Variants in COL26A1 observed in about 807,000 individuals in gnomAD.
COL26A1 encodes collagen alpha-1(XXVI) chain.
A neutral mutation model predicts 59.3 loss-of-function variants in COL26A1; 41 were observed. The observed-to-expected ratio is 0.69, with a 90% confidence interval of 0.54 to 0.90. COL26A1 has a LOEUF of 0.90. Among genes scored for constraint, COL26A1 ranks in the 40% least tolerant of loss-of-function variants. COL26A1 has a pLI of 0.00. For missense variants in COL26A1, 612 were observed against 602.3 expected (o/e 1.02, Z -0.17); for synonymous variants, 266 against 256.0 (o/e 1.04, Z -0.37).
At chr7:101,368,458 G>A (rs1287586767) in intron 1 of COL26A1, among the ~76,000 whole-genome samples, 1 of 152,204 alleles carries the variant, frequency 6.6e-6, no homozygotes, top group Non-Finnish European at 1.5e-5. Flanking sequence ...CTGCAGCAGA[G>A]GTCCTGCTCC....
rs544093844 is a variant in COL26A1 at position 101,537,439 on chromosome 7, G to A, written c.448-2454G>A. On this transcript the variant is annotated intron_variant, in intron 4 of 12. Coordinates refer to ENST00000313669, the MANE Select transcript of COL26A1 (RefSeq NM_001278563.3). ...TGACATCATCAGGGCCACTGCCCCC[G>A]AAGGCCGTGGCCTGGTTTTCTTGGC... Among the ~76,000 whole-genome samples the A allele has an allele frequency of 5.9e-5, 9 of 152,336 alleles. No homozygotes were observed. In the East Asian group the frequency reaches 9.7e-4, roughly 16 times the overall value.
intron 2 of COL26A1, among the ~76,000 whole-genome samples, chr7:101,436,904 C>T (rs568210509): frequency 6.6e-6 from 1 of 152,102 alleles, no homozygotes; most frequent in Non-Finnish European, 1.5e-5. Flanking sequence ...TCAGTTGTGA[C>T]GGTTTCACCA....
chr7:101,433,158 A>T (rs981282113), intron 2 of COL26A1, among the ~76,000 whole-genome samples: 1 of 152,086 alleles, frequency 6.6e-6, no homozygotes. Context: ...CCCCGTTTCC[A>T]CTAAAAACAG....
At chr7:101,419,848 C>T (rs1047677616) in intron 1 of COL26A1, 129 bp from the exon 2 acceptor site, 6 of 894,992 alleles carry the variant, frequency 6.7e-6, no homozygotes, top group Middle Eastern at 3.2e-4. Flanking sequence ...TCAGTGGGCC[C>T]CCCATCCAAG....
intron 3 of COL26A1, among the ~76,000 whole-genome samples, chr7:101,477,263 A>G (rs1053185019): frequency 6.6e-5 from 10 of 152,046 alleles, no homozygotes; most frequent in African/African-American, 2.2e-4. Context: ...ATTGTAAGGT[A>G]TTGTGTGTCT....
chr7:101,481,513 C>T (rs114554690), intron 3 of COL26A1, among the ~76,000 whole-genome samples: 3,467 of 150,852 alleles, frequency 0.023, 157 homozygotes, highest in African/African-American at 0.079. Context: ...GTGCATGGCA[C>T]GGTCATAGCT....
At chr7:101,406,225 T>C (rs1197343018) in intron 1 of COL26A1, among the ~76,000 whole-genome samples, 1 of 152,184 alleles carries the variant, frequency 6.6e-6, no homozygotes, top group East Asian at 1.9e-4. Flanking sequence ...TTCCCTGCGG[T>C]GCTTCGAAAT....
At chr7:101,376,114 A>G (rs977415664) in intron 1 of COL26A1, among the ~76,000 whole-genome samples, 3 of 148,634 alleles carry the variant, frequency 2.0e-5, no homozygotes, top group Non-Finnish European at 4.5e-5. Flanking sequence ...CAGCCTTGGC[A>G]ATATAGCAAG....
At chr7:101,428,926 C>CTTTTTTTTTT (rs530948608) in intron 2 of COL26A1, among the ~76,000 whole-genome samples, 1 of 142,770 alleles carries the variant, frequency 7.0e-6, no homozygotes, top group Non-Finnish European at 1.5e-5. Context: ...TTCTTTCTTT[C>CTTTTTTTTTT]TTTTTTTTTT....
At chr7:101,405,653 C>G (rs73712155) in intron 1 of COL26A1, among the ~76,000 whole-genome samples, 25 of 152,274 alleles carry the variant, frequency 1.6e-4, no homozygotes, top group African/African-American at 5.5e-4. Context: ...ACATGATCCT[C>G]CCTAAGTGCC....
chr7:101,461,602 CCTT>C (rs1272019135), intron 3 of COL26A1, among the ~76,000 whole-genome samples: 6 of 152,054 alleles, frequency 3.9e-5, no homozygotes, highest in Admixed American at 6.6e-5. Flanking sequence ...CCAGCCACCT[CCTT>C]CTTCTAATTA....
At chr7:101,385,060 G>A (rs767115660) in intron 1 of COL26A1, among the ~76,000 whole-genome samples, 2 of 151,906 alleles carry the variant, frequency 1.3e-5, no homozygotes, top group African/African-American at 2.4e-5. Flanking sequence ...TTCTAGCCAC[G>A]CTGGCAGCCG....
At chr7:101,411,389 C>T (rs62465637) in intron 1 of COL26A1, among the ~76,000 whole-genome samples, 81 of 151,848 alleles carry the variant, frequency 5.3e-4, no homozygotes, top group Non-Finnish European at 9.7e-4. Context: ...TGCTTGAGAG[C>T]GCGCCCTCTG....
chr7:101,453,748 T>C (rs1331738030), intron 3 of COL26A1, among the ~76,000 whole-genome samples: 1 of 152,158 alleles, frequency 6.6e-6, no homozygotes, highest in African/African-American at 2.4e-5. Context: ...GTAAAGATTT[T>C]ACATTCCCGA....
chr7:101,429,177 GC>G (rs539528129), intron 2 of COL26A1, among the ~76,000 whole-genome samples: 4 of 152,050 alleles, frequency 2.6e-5, no homozygotes, highest in Non-Finnish European at 5.9e-5. Context: ...ATCCACCTCA[GC>G]CTCCCAAAGT....
intron 3 of COL26A1, among the ~76,000 whole-genome samples, chr7:101,495,393 G>A (rs1794562564): frequency 1.3e-5 from 2 of 151,078 alleles, no homozygotes; most frequent in African/African-American, 2.5e-5. Flanking sequence ...CAGGGGCTAC[G>A]TATGGGCAGC....
intron 3 of COL26A1, among the ~76,000 whole-genome samples, chr7:101,477,629 C>T (rs1174409614): frequency 6.6e-6 from 1 of 152,182 alleles, no homozygotes; most frequent in Non-Finnish European, 1.5e-5. Flanking sequence ...CTCAATCATA[C>T]CTGGTATTCT....
chr7:101,425,056 G>A (rs1792611430), intron 2 of COL26A1, among the ~76,000 whole-genome samples: 1 of 151,944 alleles, frequency 6.6e-6, no homozygotes, highest in Non-Finnish European at 1.5e-5. Context: ...CTGAGTAGCT[G>A]GGACTACAGG....
intron 2 of COL26A1, among the ~76,000 whole-genome samples, chr7:101,434,960 A>T (rs897659253): frequency 6.6e-6 from 1 of 152,098 alleles, no homozygotes. Context: ...TTCCCTTGGG[A>T]GTGACATTTA....
Sources: allele counts gnomAD v4.1 joint callset (sites outside exome capture counted in the v4.1 genomes callset), GRCh38; gene constraint gnomAD v4.1.1; transcripts MANE v1.5; gene names NCBI Gene and HGNC (gene_info 2026-07-23, HGNC 2026-07-21).